Variants in CMSS1 observed in about 807,000 individuals in gnomAD.
The protein encoded by CMSS1 is cms1 ribosomal small subunit homolog, also known as protein CMSS1.
Under a neutral mutation model 43.5 loss-of-function variants are expected in CMSS1, and 33 were observed. The observed-to-expected ratio is 0.76, with a 90% CI of 0.57 to 1.01. CMSS1 has a LOEUF of 1.01. Among genes scored for constraint, CMSS1 ranks in the 50% least tolerant of loss-of-function variants. The pLI, the probability that CMSS1 is intolerant of heterozygous loss-of-function variation, is 0.00. For synonymous variants in CMSS1, 115 were observed against 117.2 expected, an observed-to-expected ratio of 0.98 and a Z score of 0.12; for missense variants, 313 against 326.4, an observed-to-expected ratio of 0.96 and a Z score of 0.32.
At chr3:99,884,425 T>C (rs1406829220) in intron 1 of CMSS1, among the ~76,000 whole-genome samples, 1 of 152,222 alleles carries the variant, frequency 6.6e-6, no homozygotes, top group African/African-American at 2.4e-5. Flanking sequence ...ATTATGACAT[T>C]GATTTAAGTT....
intron 1 of CMSS1, among the ~76,000 whole-genome samples, chr3:100,066,397 T>G (rs1230042234): frequency 6.6e-6 from 1 of 152,208 alleles, no homozygotes; most frequent in African/African-American, 2.4e-5. Flanking sequence ...TGGATTGTTT[T>G]GTTTATGTAG....
chr3:100,054,898 G>GT (rs1279488824), intron 1 of CMSS1, among the ~76,000 whole-genome samples: 2 of 152,204 alleles, frequency 1.3e-5, no homozygotes, highest in Non-Finnish European at 2.9e-5. Context: ...TTAGTCTCAT[G>GT]TTATTCTGTT....
At chr3:99,869,913 T>G (rs1944705050) in intron 1 of CMSS1, among the ~76,000 whole-genome samples, 1 of 152,164 alleles carries the variant, frequency 6.6e-6, no homozygotes, top group East Asian at 1.9e-4. Flanking sequence ...ACCTCAGCCT[T>G]GAGGCTGCTT....
At chr3:100,093,568 C>T (rs2066150581) in intron 1 of CMSS1, among the ~76,000 whole-genome samples, 1 of 152,094 alleles carries the variant, frequency 6.6e-6, no homozygotes, top group Non-Finnish European at 1.5e-5. Flanking sequence ...CAACCAGTTT[C>T]CTCCAATGGT....
chr3:99,827,867 G>T (rs901832695), intron 1 of CMSS1, among the ~76,000 whole-genome samples: 1 of 152,198 alleles, frequency 6.6e-6, no homozygotes, highest in African/African-American at 2.4e-5. Context: ...GACTCCCAAA[G>T]TGCTGGGATT....
At chr3:100,034,001 G>A (rs2065064268) in intron 1 of CMSS1, among the ~76,000 whole-genome samples, 1 of 152,156 alleles carries the variant, frequency 6.6e-6, no homozygotes, top group South Asian at 2.1e-4. Context: ...CACACAGTAT[G>A]GTTATTTGAT....
At chr3:99,953,470 G>A (rs1420956971) in intron 1 of CMSS1, among the ~76,000 whole-genome samples, 1 of 152,160 alleles carries the variant, frequency 6.6e-6, no homozygotes, top group African/African-American at 2.4e-5. Context: ...CTGGACTGGA[G>A]TTGTATAATT....
intron 1 of CMSS1, among the ~76,000 whole-genome samples, chr3:100,109,613 A>G (rs754203261): frequency 3.3e-5 from 5 of 152,104 alleles, no homozygotes; most frequent in Admixed American, 6.6e-5. Flanking sequence ...GATTCTTTCA[A>G]TTGGCATAAT....
At chr3:100,057,761 C>T (rs1576000811) in intron 1 of CMSS1, among the ~76,000 whole-genome samples, 1 of 152,170 alleles carries the variant, frequency 6.6e-6, no homozygotes, top group Admixed American at 6.5e-5. Flanking sequence ...GCGTGGCTGG[C>T]TCAGCATAAC....
At chr3:99,987,465 G>A (rs576442461) in intron 1 of CMSS1, among the ~76,000 whole-genome samples, 82 of 149,996 alleles carry the variant, frequency 5.5e-4, no homozygotes, top group African/African-American at 1.9e-3. Context: ...GGAGGCAGAG[G>A]TTGCAGTGAG....
chr3:99,925,840 G>C, intron 1 of CMSS1: 1 of 985,368 alleles, frequency 1.0e-6, no homozygotes, highest in Non-Finnish European at 1.2e-6. Context: ...GATGGAGTTA[G>C]ACAGCCAAGC....
At chr3:99,818,257 G>T (rs996222525) in intron 1 of CMSS1, among the ~76,000 whole-genome samples, 2 of 152,258 alleles carry the variant, frequency 1.3e-5, no homozygotes, top group African/African-American at 4.8e-5. Flanking sequence ...TGCCAGCCAG[G>T]AAGGATCCTT....
chr3:99,966,440 G>A (rs1210555498), intron 1 of CMSS1, among the ~76,000 whole-genome samples: 2 of 152,198 alleles, frequency 1.3e-5, no homozygotes, highest in East Asian at 3.9e-4. Flanking sequence ...GTTAGAACTA[G>A]ATATAATTCA....
chr3:100,035,458 A>G (rs1354868627), intron 1 of CMSS1, among the ~76,000 whole-genome samples: 1 of 152,054 alleles, frequency 6.6e-6, no homozygotes, highest in Non-Finnish European at 1.5e-5. Context: ...TTTTTAGTAG[A>G]GACAGGGTTT....
chr3:99,956,211 A>G (rs1708314954), intron 1 of CMSS1, among the ~76,000 whole-genome samples: 1 of 152,004 alleles, frequency 6.6e-6, no homozygotes, highest in Non-Finnish European at 1.5e-5. Context: ...CACCCTTCAC[A>G]AACACCTTCA....
At chr3:99,909,211 C>G (rs573055791) in intron 1 of CMSS1, among the ~76,000 whole-genome samples, 1 of 152,134 alleles carries the variant, frequency 6.6e-6, no homozygotes, top group Non-Finnish European at 1.5e-5. Flanking sequence ...AAGTTCTGGC[C>G]TCTTCTCATA....
At chr3:99,979,975 G>A (rs1489519970) in intron 1 of CMSS1, among the ~76,000 whole-genome samples, 1 of 151,694 alleles carries the variant, frequency 6.6e-6, no homozygotes, top group African/African-American at 2.4e-5. Context: ...TGAAGGAGGT[G>A]GTATGTAAGT....
At chr3:100,064,287 A>G (rs2065623497) in intron 1 of CMSS1, among the ~76,000 whole-genome samples, 1 of 152,196 alleles carries the variant, frequency 6.6e-6, no homozygotes, top group African/African-American at 2.4e-5. Flanking sequence ...TTAACTTACT[A>G]ATAGACAAAA....
intron 1 of CMSS1, among the ~76,000 whole-genome samples, chr3:99,983,519 T>A (rs1322055225): frequency 8.1e-6 from 1 of 123,340 alleles, no homozygotes; most frequent in Non-Finnish European, 1.6e-5. Flanking sequence ...TGTATATATA[T>A]ACACACACAA....
Sources: allele counts gnomAD v4.1 joint callset (sites outside exome capture counted in the v4.1 genomes callset), GRCh38; gene constraint gnomAD v4.1.1; transcripts MANE v1.5; gene names NCBI Gene and HGNC (gene_info 2026-07-23, HGNC 2026-07-21).